The following SCNN1A variants were observed in gnomAD, a reference collection of about 807,000 sequenced individuals.
The protein encoded by SCNN1A is epithelial sodium channel subunit alpha.
Under a neutral mutation model 68.6 loss-of-function variants are expected in SCNN1A, and 65 were observed. The observed-to-expected ratio is 0.95, with a 90% CI of 0.78 to 1.16. The LOEUF is 1.16. Among genes scored for constraint, SCNN1A ranks in the 50% most tolerant of loss-of-function variants. The probability of loss-of-function intolerance (pLI) is 0.00; values close to 1 mark genes in which losing one functional copy is unlikely to be tolerated. For synonymous variants in SCNN1A, 357 were observed against 353.3 expected (o/e 1.01, Z -0.12); for missense variants, 880 against 865.9 (o/e 1.02, Z -0.20).
At chr12:6,367,015 A>G (rs1948691786) in intron 2 of SCNN1A, among the ~76,000 whole-genome samples, 1 of 152,178 alleles carries the variant, frequency 6.6e-6, no homozygotes, top group Admixed American at 6.5e-5. Context: ...AAGTGGGTGG[A>G]TCACTTGAGC....
chr12:6,355,221 C>T (rs1285155201), intron 6 of SCNN1A, 51 bp downstream of exon 6: 1 of 1,584,204 alleles, frequency 6.3e-7, no homozygotes, highest in Non-Finnish European at 8.6e-7. Context: ...TCCCCGCTGC[C>T]CCTCTGCAAT....
intron 2 of SCNN1A, among the ~76,000 whole-genome samples, chr12:6,370,782 C>T (rs1358750782): frequency 6.6e-6 from 1 of 152,204 alleles, no homozygotes; most frequent in Non-Finnish European, 1.5e-5. Flanking sequence ...GGAAACTGCC[C>T]CTTGCTTCAC....
intron 4 of SCNN1A, among the ~76,000 whole-genome samples, chr12:6,361,691 C>T (rs779631735): frequency 5.9e-5 from 9 of 152,004 alleles, no homozygotes; most frequent in Non-Finnish European, 1.2e-4. Flanking sequence ...TGCAGACAGC[C>T]GAGATCGCGC....
At position 6,374,939 on chromosome 12, in the gene SCNN1A, G is replaced by C. The variant is rs958281312; in HGVS notation, c.-54-102C>G. ...CCCATCACCCCTGGAACCCGAGTGA[G>C]GCTGCCCCTGGCCATGCCCATGTCC... is the stretch of plus-strand genomic sequence containing the variant. On this transcript the variant is annotated intron_variant, in intron 1 of 12. Coordinates refer to ENST00000228916, the MANE Select transcript of SCNN1A (RefSeq NM_001038.6). This position sits in a 1 kb window ranked among gnomAD's most constrained non-coding sequence, Gnocchi z 6.2. The C allele has an allele frequency of 1.3e-6, 2 of 1,585,222 alleles. No individual in the cohort carries two copies. Among genetic ancestry groups the C allele is most frequent in the Non-Finnish European group, 1.7e-6 (2 of 1,165,246 alleles).
intron 2 of SCNN1A, among the ~76,000 whole-genome samples, chr12:6,368,393 C>T (rs1463277531): frequency 6.6e-6 from 1 of 152,196 alleles, no homozygotes; most frequent in African/African-American, 2.4e-5. Flanking sequence ...GGCTGCCTTT[C>T]ATTGGCCAAA....
intron 4 of SCNN1A, among the ~76,000 whole-genome samples, chr12:6,357,780 C>T (rs1267977493): frequency 2.0e-5 from 3 of 150,648 alleles, no homozygotes; most frequent in Admixed American, 2.0e-4. Context: ...GGTGGGGTCA[C>T]CTGAGGTCAG....
chr12:6,367,763 G>T (rs2136896191), intron 2 of SCNN1A, among the ~76,000 whole-genome samples: 1 of 152,334 alleles, frequency 6.6e-6, no homozygotes, highest in South Asian at 2.1e-4. Context: ...CCAGTGCAGG[G>T]TCTTACTTGC....
At chr12:6,368,435 T>A (rs2136897461) in intron 2 of SCNN1A, among the ~76,000 whole-genome samples, 1 of 152,348 alleles carries the variant, frequency 6.6e-6, no homozygotes, top group South Asian at 2.1e-4. Flanking sequence ...TAGGTTATAG[T>A]GTGTTTACAT....
chr12:6,366,710 G>A (rs925710958), intron 2 of SCNN1A, among the ~76,000 whole-genome samples: 18 of 151,902 alleles, frequency 1.2e-4, no homozygotes, highest in African/African-American at 2.2e-4. Context: ...TGAGGCAGGA[G>A]AATCGCTTGA....
intron 1 of SCNN1A, chr12:6,375,280 G>A: frequency 7.0e-7 from 1 of 1,437,828 alleles, no homozygotes; most frequent in Non-Finnish European, 9.1e-7. Context: ...CTCTAATCCT[G>A]CCTCTCTTCC....
chr12:6,368,345 C>T (rs12826912), intron 2 of SCNN1A, among the ~76,000 whole-genome samples: 2 of 152,174 alleles, frequency 1.3e-5, no homozygotes, highest in Non-Finnish European at 2.9e-5. Flanking sequence ...TGGTTACACC[C>T]CCGGCGTTTG....
intron 4 of SCNN1A, among the ~76,000 whole-genome samples, chr12:6,357,637 A>C (rs1362289088): frequency 6.6e-6 from 1 of 152,262 alleles, no homozygotes; most frequent in Non-Finnish European, 1.5e-5. Context: ...TTGCAAAAAC[A>C]CATAGAGATA....
Position 6,374,708 on chromosome 12 carries a change from G to T in SCNN1A, c.76C>A (p.Arg26Ser), listed in dbSNP as rs931090568. Residue 26 changes from arginine to serine, a missense_variant, in exon 2 of 13, where the codon CGT (arginine) becomes AGT (serine). Physicochemically the swap from Arg to Ser is moderately radical, Grantham distance 110. Around this residue, in one of 3 missense-constraint regions of SCNN1A, gnomAD observed 77 missense variants for 67.4 expected, o/e 1.14. Coordinates refer to ENST00000228916, the MANE Select transcript of SCNN1A (RefSeq NM_001038.6). The surrounding 1 kb of genome is among the most constrained non-coding windows in gnomAD (Gnocchi z 6.2). ...TCGGGGCCCAGCCCCTGCTCCTCAC[G>T]CTTGTTCCCCTTCATGAGCCCTGGA... Reference protein sequence around the residue: ...STPGLMKGNKREEQGLGPEPA... With the variant: ...STPGLMKGNKSEEQGLGPEPA... 1 of 1,614,100 alleles carries T rather than the reference G, an allele frequency of 6.2e-7. No homozygotes were observed. The highest frequency in any genetic ancestry group is 1.3e-5 in the African/African-American group (1 of 75,058).
At position 6,348,670 on chromosome 12, in the gene SCNN1A, C is replaced by A. The variant is rs57233912; in HGVS notation, c.1629+57G>T. On this transcript the variant is annotated intron_variant, in intron 12 of 12. Coordinates refer to ENST00000228916, the MANE Select transcript of SCNN1A (RefSeq NM_001038.6). ...ACAACCTTTTGGTTTTCCCCGACAGCCGCCCTGCTAAGTAAGACCCCCAGA... is the reference window on the plus strand; with the variant it reads ...ACAACCTTTTGGTTTTCCCCGACAGACGCCCTGCTAAGTAAGACCCCCAGA... The A allele has an allele frequency of 0.015, 21,817 of 1,459,036 alleles. 2,329 individuals are homozygous for A. In the African/African-American group the frequency reaches 0.25, roughly 17 times the overall value. The allele number at this position is 1,459,036 out of a possible 1,614,324, so 90.4% of individuals were successfully genotyped here.
At position 6,374,532 on chromosome 12, in the gene SCNN1A, CGT is replaced by C. The variant is rs1948860419; in HGVS notation, c.250_251del (p.Thr84GlyfsTer60). 6.2e-7 allele frequency: 1 copy of C among 1,614,030 alleles called. No individual in the cohort carries two copies. The highest frequency in any genetic ancestry group is 1.1e-5 in the South Asian group (1 of 91,088). On this transcript the variant is annotated frameshift_variant, in exon 2 of 13. Transcript: ENST00000228916. LOFTEE classifies it high-confidence loss of function. This position sits in a 1 kb window ranked among gnomAD's most constrained non-coding sequence, Gnocchi z 6.2. ...LVCSQHNRMK[T>X]AFWAVLWLCT... ...AGAGCCACAGCACTGCCCAGAAGGC[CGT>C]CTTCATGCGGTTGTGCTGGGAGCAC...
intron 9 of SCNN1A, 52 bp from the exon 10 acceptor site, chr12:6,349,273 TG>T: frequency 6.2e-7 from 1 of 1,613,522 alleles, no homozygotes; most frequent in Non-Finnish European, 8.5e-7. Context: ...CCCAAATGCT[TG>T]GCTCGGTAAC....
intron 5 of SCNN1A, 109 bp from the exon 6 acceptor site, chr12:6,355,544 A>G: frequency 7.2e-7 from 1 of 1,381,094 alleles, no homozygotes; most frequent in East Asian, 2.4e-5. Flanking sequence ...CTGCAAGAGA[A>G]GCAAGTTCAG....
rs764522890 is a variant in SCNN1A at position 6,349,368 on chromosome 12, TGAG to T, written c.1395_1397del (p.Ser466del). On this transcript the variant is annotated inframe_deletion, in exon 9 of 13. Coordinates refer to ENST00000228916, the MANE Select transcript of SCNN1A (RefSeq NM_001038.6). ...ACTTGGTGAAACAGCCCAGGTGGTCTGAGGAGAAGTCAACCTGGAGCTTATAGT... is the reference window on the plus strand; with the variant it reads ...ACTTGGTGAAACAGCCCAGGTGGTCTGAGAAGTCAACCTGGAGCTTATAGT... 4.3e-6 allele frequency: 7 copies of T among 1,609,652 alleles called. No homozygotes were observed. The highest frequency in any genetic ancestry group is 1.3e-5 in the African/African-American group (1 of 74,786).
chr12:6,373,844 T>G (rs1948841059), intron 2 of SCNN1A, among the ~76,000 whole-genome samples: 1 of 152,144 alleles, frequency 6.6e-6, no homozygotes, highest in South Asian at 2.1e-4. Flanking sequence ...AGCCCTAACC[T>G]CCACGATCCC....
Sources: gnomAD v4.1 joint callset for allele counts (sites outside exome capture counted in the v4.1 genomes callset) on GRCh38, gnomAD v4.1.1 for gene constraint, gnomAD v4.1.1 regional missense constraint, Gnocchi (gnomAD v3.1) non-coding constraint, MANE v1.5 for transcripts, NCBI Gene and HGNC (gene_info 2026-07-23, HGNC 2026-07-21) for gene names.